Variants in MUC4 observed in about 807,000 individuals in gnomAD.
MUC4 encodes mucin 4, cell surface associated, also known as mucin-4.
Under a neutral mutation model 257.9 loss-of-function variants are expected in MUC4, and 202 were observed. The observed-to-expected ratio is 0.78, with a 90% CI of 0.70 to 0.88. MUC4 has a LOEUF of 0.88. MUC4 is among the 40% of genes least tolerant of loss of function. The pLI is 0.00. For synonymous variants in MUC4, 2,351 were observed against 2,757.1 expected (o/e 0.85, Z 4.62); for missense variants, 5,976 against 6,513.7 (o/e 0.92, Z 2.84).
intron 1 of MUC4, among the ~76,000 whole-genome samples, chr3:195,796,498 G>A (rs914902383): frequency 1.3e-5 from 2 of 151,636 alleles, no homozygotes; most frequent in South Asian, 2.1e-4. Flanking sequence ...GGATCATGAG[G>A]TCAGGAGATT....
chr3:195,789,684 T>C lies in MUC4; in HGVS notation c.1896A>G (p.Pro632=), dbSNP rs532980936. The C allele has an allele frequency of 6.2e-7, 1 of 1,613,946 alleles. No homozygotes were observed. Among genetic ancestry groups the C allele is most frequent in the South Asian group, 1.1e-5 (1 of 91,078 alleles). Reference sequence around the variant, plus strand: ...GAGTGTGACCCCTTTGGGAAACAGCTGGTGATTCCTGAGGAGAGGTGCTTG... The same window carrying C: ...GAGTGTGACCCCTTTGGGAAACAGCCGGTGATTCCTGAGGAGAGGTGCTTG... The part of the protein sequence containing the change: ...HSTSTSPQES[P]AVSQRGHTQA... The change falls in exon 2 of 25, where the codon CCA becomes CCG. Residue 632 remains proline, a synonymous_variant. Coordinates refer to ENST00000463781, the MANE Select transcript of MUC4 (RefSeq NM_018406.7).
Position 195,785,731 on chromosome 3 carries a change from G to T in MUC4, c.5849C>A (p.Thr1950Asn), listed in dbSNP as rs555584675. 1.0e-5 allele frequency: 15 copies of T among 1,461,700 alleles called. No homozygotes were observed. The African/African-American group carries it at 2.0e-4, about 20-fold the overall frequency. 90.5% of individuals were successfully genotyped at this position (1,461,700 alleles called of 1,614,324 possible). ...AGCGTCGGTGACAGGAAGAGGGGTG[G>T]TGTGACCTGAGGATGCTGAGGAAGG... ...TSPSSASSGH[T>N]TPLPVTDASS... Residue 1950 changes from threonine to asparagine, a missense_variant, in exon 2 of 25, where the codon ACC becomes AAC. This residue lies in a region of MUC4 where 87 missense variants were observed against 104.6 expected (regional missense o/e 0.83). Coordinates refer to ENST00000463781, the MANE Select transcript of MUC4 (RefSeq NM_018406.7).
chr3:195,781,150 C>CCT lies in MUC4; in HGVS notation c.10429_10430insAG (p.Ser3477LysfsTer783). On this transcript the variant is annotated frameshift_variant, in exon 2 of 25. Coordinates refer to ENST00000463781, the MANE Select transcript of MUC4 (RefSeq NM_018406.7). LOFTEE classifies it high-confidence loss of function. ...GTGACCTGTAGATGCTGAGGAAGGG[C>CCT]TGGTGACAGGAAGAGGGGTGGTGTC... 1 of 1,293,528 alleles carries CCT rather than the reference C, an allele frequency of 7.7e-7. No homozygotes were observed. The allele number at this position is 1,293,528 out of a possible 1,614,324, so 80.1% of individuals were successfully genotyped here. A position where few individuals can be genotyped will look rare whatever the true frequency, so the allele number is the denominator to read the frequency against.
Position 195,811,008 on chromosome 3 carries a change from TCTCTGGCC to T in MUC4, c.82+720_82+727del, listed in dbSNP as rs530877536. Among the ~76,000 whole-genome samples the T allele has an allele frequency of 1.8e-3, 271 of 152,160 alleles. 1 individual carries two copies. The highest frequency in any genetic ancestry group is 6.2e-3 in the African/African-American group (259 of 41,500). On this transcript the variant is annotated intron_variant, in intron 1 of 24. Transcript: ENST00000463781. ...ATCCTTCCAGACATCGCCGGGCTGC[TCTCTGGCC>T]CTCTGTTCTCTTTTCTCTCTCTTTC...
chr3:195,761,259 G>T, intron 15 of MUC4, 142 bp from the exon 16 acceptor site: 1 of 796,890 alleles, frequency 1.3e-6, no homozygotes. Context: ...TCTGAGTCTA[G>T]AAACACCTGC....
At chr3:195,758,935 C>T (rs1054671686) in intron 17 of MUC4, among the ~76,000 whole-genome samples, 189 bp downstream of exon 17, 1 of 152,098 alleles carries the variant, frequency 6.6e-6, no homozygotes, top group African/African-American at 2.4e-5. Context: ...AAGCCCGTCA[C>T]TACTACTTAC....
chr3:195,754,119 A>G, intron 19 of MUC4, 94 bp downstream of exon 19: 18 of 1,446,434 alleles, frequency 1.2e-5, no homozygotes, highest in Non-Finnish European at 1.7e-5. Flanking sequence ...ATCTGCTGGA[A>G]AAAGGAGAGA....
In MUC4 at chr3:195,781,558, T is replaced by C. The variant is rs1728026700; in HGVS notation, c.10022A>G (p.Asp3341Gly). Residue 3341 changes from aspartate (D) to glycine (G), a missense_variant, in exon 2 of 25, where the codon GAC (aspartate) becomes GGC (glycine). Physicochemically the swap from Asp to Gly is moderately conservative, Grantham distance 94 (BLOSUM62 -1). Around this residue, in one of 44 missense-constraint regions of MUC4, gnomAD observed 72 missense variants for 33.5 expected, o/e 2.15. Transcript: ENST00000463781. ...VTSPSSASTG[D>G]TTPVPVTDTS... is the part of the protein sequence containing the mutation. ...GTCGGTGACAGGCACAGGGGTGGTG[T>C]CACCTGTGGATGCTGAGGAAGGGCT... The C allele has an allele frequency of 8.0e-7, 1 of 1,256,982 alleles. No homozygotes were observed. Among genetic ancestry groups the C allele is most frequent in the South Asian group, 1.4e-5 (1 of 72,760 alleles). 77.9% of individuals were successfully genotyped at this position (1,256,982 alleles called of 1,614,324 possible). A position where few individuals can be genotyped will look rare whatever the true frequency, so the allele number is the denominator to read the frequency against.
intron 5 of MUC4, chr3:195,770,757 G>A (rs994490388): frequency 2.3e-6 from 1 of 433,464 alleles, no homozygotes; most frequent in Non-Finnish European, 4.7e-6. Flanking sequence ...CCCTGTCCGT[G>A]GCAGGGGCAC....
rs1234247037 is a variant in MUC4, at chr3:195,786,635, G to A, written c.4945C>T (p.Leu1649Phe). ...SSLSTGHATP[L>F]HVTSPSSAST... ...GCTGAGGAAGGGCTGGTGACATGAA[G>A]AGGGGTGGCGTGACCTGTGGATAAT... is the stretch of plus-strand genomic sequence containing the variant. The change falls in exon 2 of 25, where the codon CTT (leucine) becomes TTT (phenylalanine). Residue 1649 changes from leucine (L) to phenylalanine (F), a missense_variant. Physicochemically the swap from Leu to Phe is conservative, Grantham distance 22. Around this residue, in one of 44 missense-constraint regions of MUC4, gnomAD observed 61 missense variants for 100.2 expected, o/e 0.61. Transcript: ENST00000463781. The A allele has an allele frequency of 2.6e-6, 4 of 1,530,816 alleles. 1 individual carries two copies. Among genetic ancestry groups the A allele is most frequent in the Admixed American group, 2.0e-5 (1 of 50,056 alleles). 94.8% of individuals were successfully genotyped at this position (1,530,816 alleles called of 1,614,324 possible).
At position 195,790,320 on chromosome 3, in the gene MUC4, T is replaced by C; in HGVS notation, c.1260A>G (p.Ala420=). Residue 420 remains alanine, a synonymous_variant, in exon 2 of 25, where the codon GCA becomes GCG. Coordinates refer to ENST00000463781, the MANE Select transcript of MUC4 (RefSeq NM_018406.7). The part of the protein sequence containing the change: ...TSLSVSGTIS[A]ITSKVSTIWW... ...ATATGGTTGAAACTTTGGAAGTGAT[T>C]GCAGAAATGGTTCCACTTACAGATA... 6.2e-7 allele frequency: 1 copy of C among 1,613,886 alleles called. No individual in the cohort carries two copies. Among genetic ancestry groups the C allele is most frequent in the East Asian group, 2.2e-5 (1 of 44,892 alleles).
Position 195,789,595 on chromosome 3 carries a change from T to C in MUC4, c.1985A>G (p.Lys662Arg). Reference sequence around the variant, plus strand: ...GGAAGAACCTGGGGTGGTGACTGTCTTGGTGTCAGTCATGGGGGAGACGGA... The same window carrying C: ...GGAAGAACCTGGGGTGGTGACTGTCCTGGTGTCAGTCATGGGGGAGACGGA... ...TRSVSPMTDT[K>R]TVTTPGSSFT... The change falls in exon 2 of 25, where the codon AAG (lysine) becomes AGG (arginine). Residue 662 changes from lysine (K) to arginine (R), a missense_variant. Lys to Arg is a conservative substitution (Grantham distance 26). Coordinates refer to ENST00000463781, the MANE Select transcript of MUC4 (RefSeq NM_018406.7). The C allele has an allele frequency of 6.2e-7, 1 of 1,613,930 alleles. No individual in the cohort carries two copies. The highest frequency in any genetic ancestry group is 1.1e-5 in the South Asian group (1 of 91,064).
At chr3:195,762,973 C>T (rs759998979) in intron 12 of MUC4, 28 bp from the exon 13 acceptor site, 193 of 1,503,770 alleles carry the variant, frequency 1.3e-4, no homozygotes, top group Non-Finnish European at 1.6e-4. Flanking sequence ...GGGGCCTGAG[C>T]CCGACCCGCA....
chr3:195,778,452 A>C lies in MUC4; in HGVS notation c.12794T>G (p.Met4265Arg). 6.2e-7 allele frequency: 1 copy of C among 1,612,126 alleles called. No homozygotes were observed. The highest frequency in any genetic ancestry group is 8.5e-7 in the Non-Finnish European group (1 of 1,179,618). ...GTCTGTCTTCAGTGACGGTGTTGTC[A>C]TTCCTGGACACGTGAAAAGACAAGG... Reference protein sequence around the residue: ...DSPLKMETPGMTTPSLKTDGG... With the variant: ...DSPLKMETPGRTTPSLKTDGG... The change falls in exon 3 of 25, where the codon ATG (methionine) becomes AGG (arginine). Residue 4265 changes from methionine to arginine, a missense_variant. Physicochemically the swap from Met to Arg is moderately conservative, Grantham distance 91 (BLOSUM62 -1). This residue lies in a region of MUC4 where 233 missense variants were observed against 171.2 expected (regional missense o/e 1.36). Transcript: ENST00000463781.
intron 21 of MUC4, 92 bp downstream of exon 21, chr3:195,752,281 T>G: frequency 8.3e-7 from 1 of 1,199,430 alleles, no homozygotes; most frequent in South Asian, 1.2e-5. Flanking sequence ...TCCAGATGGA[T>G]GACAAGATGA....
chr3:195,784,210 G>T lies in MUC4; in HGVS notation c.7370C>A (p.Ala2457Glu), dbSNP rs199659352. 0.015 allele frequency: 21,971 copies of T among 1,451,890 alleles called. 3 individuals are homozygous for T. The highest frequency in any genetic ancestry group is 0.017 in the Non-Finnish European group (18,069 of 1,080,022). The allele number at this position is 1,451,890 out of a possible 1,614,324, so 89.9% of individuals were successfully genotyped here. The part of the protein sequence containing the change: ...TPLPVTSTSS[A>E]STGDTTPLPG... ...AAGAGGGGTGGTGTCACCTGTGGAT[G>T]CTGAGGAAGTGCTGGTGACAGGAAG... Residue 2457 changes from alanine to glutamate, a missense_variant, in exon 2 of 25, where the codon GCA becomes GAA. This residue lies in a region of MUC4 where 57 missense variants were observed against 116.5 expected (regional missense o/e 0.49). Transcript: ENST00000463781.
At chr3:195,767,683 A>AT (rs1721379666) in intron 7 of MUC4, among the ~76,000 whole-genome samples, 1 of 1,206 alleles carries the variant, frequency 8.3e-4, no homozygotes, top group East Asian at 0.045. Flanking sequence ...CACCACCATC[A>AT]CTGGCCACCC....
Position 195,748,909 on chromosome 3 carries a change from G to C in MUC4, c.16027C>G (p.Arg5343Gly), listed in dbSNP as rs141128323. 8 of 1,579,374 alleles carry C rather than the reference G, an allele frequency of 5.1e-6. No homozygotes were observed. Among genetic ancestry groups the C allele is most frequent in the Non-Finnish European group, 6.0e-6 (7 of 1,163,778 alleles). The change falls in exon 24 of 25, where the codon CGC (arginine) becomes GGC (glycine). Residue 5343 changes from arginine to glycine, a missense_variant. Physicochemically the swap from Arg to Gly is moderately radical, Grantham distance 125. Around this residue, in one of 44 missense-constraint regions of MUC4, gnomAD observed 310 missense variants for 242.1 expected, o/e 1.28. Transcript: ENST00000463781. ...GGCCACAGCCCTATGCACCTGCAGCGGGGCCCACTGGGCAGGTGCTGGCAC... is the reference window on the plus strand; with the variant it reads ...GGCCACAGCCCTATGCACCTGCAGCCGGGCCCACTGGGCAGGTGCTGGCAC... ...GQCQHLPSGP[R>G]CSCVSFSIYT...
In MUC4 at chr3:195,778,280, AGGCCTCACCTGTAT is replaced by A. The variant is rs1725467614; in HGVS notation, c.12943+9_12943+22del. On this transcript the variant is annotated intron_variant, in intron 3 of 24. Transcript: ENST00000463781. ...AGTTACATCACCCCTCAAAAGGCAC[AGGCCTCACCTGTAT>A]GGCCTCACCTCTCTCAGGCAGGATG... is the stretch of plus-strand genomic sequence containing the variant. 1.3e-6 allele frequency: 2 copies of A among 1,572,490 alleles called. No individual in the cohort carries two copies. Among genetic ancestry groups the A allele is most frequent in the Non-Finnish European group, 1.7e-6 (2 of 1,160,286 alleles).
Sources: gnomAD v4.1 joint callset for allele counts (sites outside exome capture counted in the v4.1 genomes callset) on GRCh38, gnomAD v4.1.1 for gene constraint, gnomAD v4.1.1 regional missense constraint, MANE v1.5 for transcripts, NCBI Gene and HGNC (gene_info 2026-07-23, HGNC 2026-07-21) for gene names.